STK11: variants seen among roughly 807,000 people sequenced by gnomAD.
STK11 encodes serine/threonine kinase 11.
Under a neutral mutation model 47.3 loss-of-function variants are expected in STK11, and 8 were observed. The ratio of observed to expected loss-of-function variants is 0.17; its 90% CI spans 0.10 to 0.31. STK11 has a LOEUF of 0.31. Ranked by LOEUF, STK11 falls within the 10% of genes least tolerant of loss-of-function variation. The pLI, the probability that STK11 is intolerant of heterozygous loss-of-function variation, is 1.00. For missense variants in STK11, 475 were observed against 605.0 expected (o/e 0.79, Z 2.25); for synonymous variants, 330 against 255.8 (o/e 1.29, Z -2.77).
In STK11 at chr19:1,210,192, G is replaced by A. The variant is rs188512532; in HGVS notation, c.290+2989G>A. On this transcript the variant is annotated intron_variant, in intron 1 of 9. Transcript: ENST00000326873. ...GGGAGCTGGTGTGTTCTGACTGGAG[G>A]CTGCCATGTGCAGAGTGCTGTCAAG... 1.8e-3 allele frequency among the ~76,000 whole-genome samples: 273 copies of A among 152,314 alleles called. 1 individual carries two copies. The highest frequency in any genetic ancestry group is 6.2e-3 in the African/African-American group (258 of 41,556).
rs2145404308 is a variant in STK11, at chr19:1,206,902, C to T, written c.-12C>T. On this transcript the variant is annotated 5_prime_UTR_variant, in exon 1 of 10. Transcript: ENST00000326873. The stretch of plus-strand genomic sequence containing the variant: ...AGGGCTGGCGGCGGGACTCCAGGAC[C>T]CTGGGTCCAGCATGGAGGTGGTGGA... 1 of 1,564,196 alleles carries T rather than the reference C, an allele frequency of 6.4e-7. No individual in the cohort carries two copies. The highest frequency in any genetic ancestry group is 8.7e-7 in the Non-Finnish European group (1 of 1,154,114).
chr19:1,221,385 T>A (rs2145427478), intron 6 of STK11, 45 bp downstream of exon 6: 1 of 1,556,554 alleles, frequency 6.4e-7, no homozygotes, highest in East Asian at 2.3e-5. Context: ...GAGGCGGGGC[T>A]TTTGTGCAGA....
At position 1,228,277 on chromosome 19, in the gene STK11, C is replaced by A. The variant is rs1015269208; in HGVS notation, c.*701C>A. The A allele has an allele frequency of 3.1e-5, 10 of 321,298 alleles. 1 individual carries two copies. The East Asian group carries it at 5.3e-4, about 17-fold the overall frequency. The allele number at this position is 321,298 out of a possible 1,614,324, so 19.9% of individuals were successfully genotyped here. ...TTGGGACCCCAGAGAAAACCCGGAG[C>A]AAGCAGGAGTGTGCGGTCAATATTT... On this transcript the variant is annotated 3_prime_UTR_variant, in exon 10 of 10. Coordinates refer to ENST00000326873, the MANE Select transcript of STK11 (RefSeq NM_000455.5).
At chr19:1,221,555 AC>A in intron 6 of STK11, 3 of 727,706 alleles carry the variant, frequency 4.1e-6, no homozygotes, top group Non-Finnish European at 4.3e-6. Flanking sequence ...CCGAACTCCC[AC>A]CCCAGAGGGC....
At chr19:1,217,998 G>T (rs1321461549) in intron 1 of STK11, among the ~76,000 whole-genome samples, 1 of 152,204 alleles carries the variant, frequency 6.6e-6, no homozygotes, top group African/African-American at 2.4e-5. Context: ...AAAAAAATTA[G>T]CCGGCTGTGG....
At chr19:1,215,097 G>A (rs563739837) in intron 1 of STK11, among the ~76,000 whole-genome samples, 2 of 152,194 alleles carry the variant, frequency 1.3e-5, no homozygotes, top group African/African-American at 2.4e-5. Flanking sequence ...GGGCTGAGCC[G>A]GGCCTCTCGG....
intron 1 of STK11, among the ~76,000 whole-genome samples, chr19:1,213,929 A>G (rs928171460): frequency 3.3e-5 from 5 of 152,242 alleles, no homozygotes; most frequent in Admixed American, 6.5e-5. Context: ...GTTTCTAGGC[A>G]GACGGAGGCT....
chr19:1,226,426 C>A (rs1201992830), intron 8 of STK11, 28 bp from the exon 9 acceptor site: 1 of 1,603,898 alleles, frequency 6.2e-7, no homozygotes, highest in South Asian at 1.1e-5. Flanking sequence ...CCCCTCAGCT[C>A]AGGCCACACT....
chr19:1,228,235 CCAAGG>C lies in STK11; in HGVS notation c.*661_*665del. ...GGAGGGCAGGACCCTCACCTCTCCC[CCAAGG>C]CCACTGCGCTCTTGGGACCCCAGAG... is the stretch of plus-strand genomic sequence containing the variant. On this transcript the variant is annotated 3_prime_UTR_variant, in exon 10 of 10. Transcript: ENST00000326873. The C allele has an allele frequency of 1.5e-6, 1 of 667,624 alleles. No homozygotes were observed. Among genetic ancestry groups the C allele is most frequent in the Non-Finnish European group, 1.9e-6 (1 of 516,268 alleles). The allele number at this position is 667,624 out of a possible 1,614,324, so 41.4% of individuals were successfully genotyped here.
intron 8 of STK11, 148 bp downstream of exon 8, chr19:1,223,320 C>T (rs969545518): frequency 3.8e-6 from 4 of 1,044,240 alleles, no homozygotes; most frequent in Middle Eastern, 3.0e-4. Flanking sequence ...CACCTGCAGG[C>T]TGCCTCCGCC....
intron 9 of STK11, chr19:1,227,312 C>T (rs2080832024): frequency 5.4e-6 from 1 of 186,684 alleles, no homozygotes; most frequent in South Asian, 1.9e-4. Context: ...CAGCCCCTCT[C>T]CCAGGTTTTG....
chr19:1,217,724 C>T (rs142584412), intron 1 of STK11, among the ~76,000 whole-genome samples: 147 of 152,302 alleles, frequency 9.7e-4, no homozygotes, highest in African/African-American at 2.9e-3. Context: ...GTGGGACCCT[C>T]GGAGTTGGGA....
rs864622574 is a variant in STK11, at chr19:1,218,489, G to A, written c.363G>A (p.Glu121=). 1 of 1,613,564 alleles carries A rather than the reference G, an allele frequency of 6.2e-7. No homozygotes were observed. The highest frequency in any genetic ancestry group is 1.1e-5 in the South Asian group (1 of 91,088). The change falls in exon 2 of 10, where the codon GAG becomes GAA. Residue 121 remains glutamate, a synonymous_variant. Coordinates refer to ENST00000326873, the MANE Select transcript of STK11 (RefSeq NM_000455.5). Reference sequence around the variant, plus strand: ...TGGTGGATGTGTTATACAACGAAGAGAAGCAGAAAATATATCCTTTCCGGT... The same window carrying A: ...TGGTGGATGTGTTATACAACGAAGAAAAGCAGAAAATATATCCTTTCCGGT... The part of the protein sequence containing the change: ...IQLVDVLYNE[E]KQKMYMVMEY...
At chr19:1,224,955 C>T (rs115142373) in intron 8 of STK11, 3 of 985,550 alleles carry the variant, frequency 3.0e-6, no homozygotes, top group African/African-American at 1.7e-5. Context: ...GACAGCCCGG[C>T]GCCCTCGGGT....
At position 1,206,117 on chromosome 19, in the gene STK11, G is replaced by A. The variant is rs924564950; in HGVS notation, c.-797G>A. The A allele has an allele frequency of 2.0e-5, 3 of 147,264 alleles. No individual in the cohort carries two copies. The highest frequency in any genetic ancestry group is 7.3e-5 in the African/African-American group (3 of 40,886). 9.1% of individuals were successfully genotyped at this position (147,264 alleles called of 1,614,324 possible). A position where few individuals can be genotyped will look rare whatever the true frequency, so the allele number is the denominator to read the frequency against. On this transcript the variant is annotated 5_prime_UTR_variant, in exon 1 of 10. Coordinates refer to ENST00000326873, the MANE Select transcript of STK11 (RefSeq NM_000455.5). ...CACTCGGGGCGGGGCGCGCGCTCGG[G>A]CAGACGTTTGCGGGGAGGGGGGCGC...
At chr19:1,218,710 T>C (rs1398650880) in intron 2 of STK11, among the ~76,000 whole-genome samples, 1 of 152,180 alleles carries the variant, frequency 6.6e-6, no homozygotes, top group Non-Finnish European at 1.5e-5. Flanking sequence ...CCCCTGTGTC[T>C]TGGGCCCGTG....
chr19:1,224,414 C>G, intron 8 of STK11: 2 of 985,470 alleles, frequency 2.0e-6, no homozygotes, highest in Non-Finnish European at 2.4e-6. Flanking sequence ...TCATGGTGCC[C>G]ATCCTTGGGG....
chr19:1,210,903 C>T lies in STK11; in HGVS notation c.290+3700C>T, dbSNP rs2080705577. On this transcript the variant is annotated intron_variant, in intron 1 of 9. Transcript: ENST00000326873. ...TGGGGCCGGGCGTGGTGGCTCACGC[C>T]TGTAATCCCAGCACTTTGGGAGGCC... is the stretch of plus-strand genomic sequence containing the variant. Among the ~76,000 whole-genome samples the T allele has an allele frequency of 3.9e-5, 6 of 152,250 alleles. No homozygotes were observed. In the South Asian group the frequency reaches 1.2e-3, roughly 32 times the overall value.
intron 1 of STK11, among the ~76,000 whole-genome samples, chr19:1,216,977 G>A (rs1341559473): frequency 1.3e-5 from 2 of 152,030 alleles, no homozygotes; most frequent in African/African-American, 2.4e-5. Context: ...TGGATGGGCT[G>A]TGCTGATCCT....
Sources: allele counts gnomAD v4.1 joint callset (sites outside exome capture counted in the v4.1 genomes callset), GRCh38; gene constraint gnomAD v4.1.1; transcripts MANE v1.5; gene names NCBI Gene and HGNC (gene_info 2026-07-23, HGNC 2026-07-21).